CCDC192: variants seen among roughly 807,000 people sequenced by gnomAD.
The protein encoded by CCDC192 is coiled-coil domain-containing protein 192.
At chr5:127,734,907 A>G (rs1289814710) in intron 2 of CCDC192, among the ~76,000 whole-genome samples, 44 of 150,906 alleles carry the variant, frequency 2.9e-4, no homozygotes, top group East Asian at 1.7e-3. Flanking sequence ...AGTTTCTTTT[A>G]CTGTGCAGAA....
intron 2 of CCDC192, among the ~76,000 whole-genome samples, chr5:127,735,151 G>A (rs1244200291): frequency 2.4e-5 from 3 of 125,716 alleles, no homozygotes; most frequent in Admixed American, 8.3e-5. Context: ...CATATGGCTA[G>A]CCAGTTTTCC....
chr5:127,790,567 A>G (rs1756812243), intron 3 of CCDC192, among the ~76,000 whole-genome samples: 1 of 152,168 alleles, frequency 6.6e-6, no homozygotes, highest in Non-Finnish European at 1.5e-5. Flanking sequence ...CTCCTATCTA[A>G]CTATTTTTGT....
intron 3 of CCDC192, among the ~76,000 whole-genome samples, chr5:127,760,701 C>T (rs1240816343): frequency 1.8e-5 from 1 of 54,942 alleles, no homozygotes; most frequent in African/African-American, 7.2e-5. Flanking sequence ...GATTCTGTCT[C>T]AAAAAAAAAA....
rs13180884 is a variant in CCDC192, at chr5:127,733,970, C to T, written c.115-20298C>T. 4.5e-3 allele frequency among the ~76,000 whole-genome samples: 676 copies of T among 150,228 alleles called. 5 individuals carry two copies. Among genetic ancestry groups the T allele is most frequent in the Middle Eastern group, 0.017 (5 of 288 alleles). On this transcript the variant is annotated intron_variant, in intron 2 of 6. Transcript: ENST00000514853. ...CTTTAAGTTTTAGGGTACATGTGCA[C>T]ATTGTGCAGGTTAGTTACATATGTA...
intron 5 of CCDC192, among the ~76,000 whole-genome samples, chr5:127,826,741 A>C (rs1749550957): frequency 6.6e-6 from 1 of 151,120 alleles, no homozygotes; most frequent in Non-Finnish European, 1.5e-5. Context: ...CACGTAATAT[A>C]CCCAGGTAAC....
chr5:127,720,775 A>T (rs1485969675), intron 2 of CCDC192, among the ~76,000 whole-genome samples: 1 of 152,186 alleles, frequency 6.6e-6, no homozygotes, highest in Admixed American at 6.5e-5. Flanking sequence ...CCACAGGCTT[A>T]ACACCACATG....
At chr5:127,909,199 C>T (rs1311788566) in intron 6 of CCDC192, among the ~76,000 whole-genome samples, 1 of 152,034 alleles carries the variant, frequency 6.6e-6, no homozygotes, top group African/African-American at 2.4e-5. Context: ...AGATACACAC[C>T]CAGGTGGGTC....
chr5:127,812,126 G>T (rs1758115913), intron 5 of CCDC192, among the ~76,000 whole-genome samples: 1 of 152,130 alleles, frequency 6.6e-6, no homozygotes, highest in African/African-American at 2.4e-5. Context: ...TGTCATGAGG[G>T]TTAAATGTGT....
At chr5:127,897,066 T>A (rs963996843) in intron 6 of CCDC192, among the ~76,000 whole-genome samples, 3 of 152,126 alleles carry the variant, frequency 2.0e-5, no homozygotes, top group Non-Finnish European at 4.4e-5. Context: ...TCTCTCTTTT[T>A]TTTTTTAAAG....
rs146140637 is a variant in CCDC192 at position 127,936,162 on chromosome 5, A to G, written c.536-5020A>G. Reference sequence around the variant, plus strand: ...AAGAGATGTTACAGAAATAATTCCTATACTGGTAGCAGATGAGGCTAGATC... The same window carrying G: ...AAGAGATGTTACAGAAATAATTCCTGTACTGGTAGCAGATGAGGCTAGATC... On this transcript the variant is annotated intron_variant, in intron 6 of 6. Coordinates refer to ENST00000514853, the MANE Select transcript of CCDC192 (RefSeq NM_001317938.2). 3.5e-3 allele frequency among the ~76,000 whole-genome samples: 528 copies of G among 152,300 alleles called. 3 individuals are homozygous for G. The highest frequency in any genetic ancestry group is 0.012 in the African/African-American group (502 of 41,586).
intron 5 of CCDC192, among the ~76,000 whole-genome samples, chr5:127,819,401 G>A (rs1283483087): frequency 6.6e-6 from 1 of 152,082 alleles, no homozygotes; most frequent in Non-Finnish European, 1.5e-5. Flanking sequence ...AAATACAGGC[G>A]GTTCTCAGGT....
chr5:127,772,244 T>C (rs1340480566), intron 3 of CCDC192, among the ~76,000 whole-genome samples: 1 of 152,112 alleles, frequency 6.6e-6, no homozygotes, highest in Non-Finnish European at 1.5e-5. Flanking sequence ...GTAGATCACT[T>C]GAGATCAGGA....
intron 5 of CCDC192, among the ~76,000 whole-genome samples, chr5:127,824,625 T>G (rs1165857738): frequency 6.6e-6 from 1 of 152,154 alleles, no homozygotes; most frequent in Non-Finnish European, 1.5e-5. Flanking sequence ...AGATTTTGGA[T>G]ATCATTAAAT....
chr5:127,716,759 T>C (rs1387693625), intron 2 of CCDC192, among the ~76,000 whole-genome samples: 1 of 152,190 alleles, frequency 6.6e-6, no homozygotes, highest in Non-Finnish European at 1.5e-5. Flanking sequence ...ATTCAATGAC[T>C]TCTGATGCAG....
intron 6 of CCDC192, among the ~76,000 whole-genome samples, chr5:127,900,727 C>T (rs1195595015): frequency 1.3e-5 from 2 of 152,110 alleles, no homozygotes; most frequent in African/African-American, 4.8e-5. Context: ...GAGCCATGAC[C>T]TCATGGATAG....
intron 3 of CCDC192, among the ~76,000 whole-genome samples, chr5:127,762,785 C>T (rs778762223): frequency 2.0e-5 from 3 of 152,116 alleles, no homozygotes; most frequent in Admixed American, 6.5e-5. Context: ...ATGGGCTTAA[C>T]CTGTATTTTG....
intron 3 of CCDC192, among the ~76,000 whole-genome samples, chr5:127,774,401 G>C (rs531978320): frequency 6.6e-6 from 1 of 152,120 alleles, no homozygotes; most frequent in East Asian, 1.9e-4. Context: ...TATTTAGGTC[G>C]TTGATCTAGT....
chr5:127,827,518 T>C (rs1164425743), intron 5 of CCDC192, among the ~76,000 whole-genome samples: 1 of 152,226 alleles, frequency 6.6e-6, no homozygotes. Context: ...ATTTTAAAGA[T>C]CTTGTAATTT....
intron 3 of CCDC192, among the ~76,000 whole-genome samples, chr5:127,779,262 G>A (rs1756049309): frequency 6.6e-6 from 1 of 151,852 alleles, no homozygotes. Flanking sequence ...TTTTATATGT[G>A]CATATATAAA....
Sources: allele counts gnomAD v4.1 joint callset (sites outside exome capture counted in the v4.1 genomes callset), GRCh38; gene constraint gnomAD v4.1.1; transcripts MANE v1.5; gene names NCBI Gene and HGNC (gene_info 2026-07-23, HGNC 2026-07-21).